REM2: variants seen among roughly 807,000 people sequenced by gnomAD.
REM2 encodes RRAD and GEM like GTPase 2, also known as GTP-binding protein REM 2.
REM2 carries 24 observed loss-of-function variants against 24.4 expected under a neutral mutation model. The observed-to-expected ratio is 0.98, with a 90% CI of 0.71 to 1.38. The LOEUF is 1.38. Among genes scored for constraint, REM2 ranks in the 40% most tolerant of loss-of-function variants. REM2 has a pLI of 0.00. For missense variants in REM2, 429 were observed against 467.8 expected (o/e 0.92, Z 0.77); for synonymous variants, 187 against 198.0 (o/e 0.94, Z 0.47).
At chr14:22,883,538 T>C in intron 1 of REM2, 148 bp downstream of exon 1, 1 of 727,494 alleles carries the variant, frequency 1.4e-6, no homozygotes, top group Non-Finnish European at 2.3e-6. Flanking sequence ...AGACCCCTGC[T>C]CACACAAGGG....
At chr14:22,883,924 CT>C (rs1382848764) in intron 1 of REM2, among the ~76,000 whole-genome samples, 23 of 150,826 alleles carry the variant, frequency 1.5e-4, no homozygotes, top group South Asian at 8.5e-4. Context: ...CACACACACA[CT>C]ATCTCTCTCT....
At position 22,886,497 on chromosome 14, in the gene REM2, T is replaced by C; in HGVS notation, c.728-117T>C. 2 of 972,154 alleles carry C rather than the reference T, an allele frequency of 2.1e-6. No individual in the cohort carries two copies. Among genetic ancestry groups the C allele is most frequent in the Non-Finnish European group, 3.0e-6 (2 of 675,570 alleles). 60.2% of individuals were successfully genotyped at this position (972,154 alleles called of 1,614,324 possible). Reference sequence around the variant, plus strand: ...TATGAGCTCAGCCATGTTCTCTCGGTTGCAAGATTCACTAGTACCAATCCC... The same window carrying C: ...TATGAGCTCAGCCATGTTCTCTCGGCTGCAAGATTCACTAGTACCAATCCC... On this transcript the variant is annotated intron_variant, in intron 4 of 4. Transcript: ENST00000267396. This position sits in a 1 kb window ranked among gnomAD's most constrained non-coding sequence, Gnocchi z 5.9.
At position 22,886,538 on chromosome 14, in the gene REM2, C is replaced by CAGGCCCTCCCT; in HGVS notation, c.728-73_728-63dup. 1.5e-6 allele frequency: 2 copies of CAGGCCCTCCCT among 1,337,052 alleles called. No homozygotes were observed. The highest frequency in any genetic ancestry group is 2.0e-6 in the Non-Finnish European group (2 of 1,006,052). 82.8% of individuals were successfully genotyped at this position (1,337,052 alleles called of 1,614,324 possible). A position where few individuals can be genotyped will look rare whatever the true frequency, so the allele number is the denominator to read the frequency against. On this transcript the variant is annotated intron_variant, in intron 4 of 4. Transcript: ENST00000267396. The surrounding 1 kb of genome is among the most constrained non-coding windows in gnomAD (Gnocchi z 5.9). ...TACCAATCCCTTGCCACCGCACGCC[C>CAGGCCCTCCCT]AGGCCCTCCCTAGACCCACCCTCGC...
In REM2 at chr14:22,886,298, T is replaced by C. The variant is rs1226840147; in HGVS notation, c.727+67T>C. 1 of 1,432,844 alleles carries C rather than the reference T, an allele frequency of 7.0e-7. No homozygotes were observed. The highest frequency in any genetic ancestry group is 9.6e-7 in the Non-Finnish European group (1 of 1,037,724). 88.8% of individuals were successfully genotyped at this position (1,432,844 alleles called of 1,614,324 possible). On this transcript the variant is annotated intron_variant, in intron 4 of 4. Coordinates refer to ENST00000267396, the MANE Select transcript of REM2 (RefSeq NM_173527.3). The surrounding 1 kb of genome is among the most constrained non-coding windows in gnomAD (Gnocchi z 5.9). Reference sequence around the variant, plus strand: ...AATGCTCTCCCTTCCAAGTCACCTCTTCTCCCTAAGGCCTTTTTACCATCG... The same window carrying C: ...AATGCTCTCCCTTCCAAGTCACCTCCTCTCCCTAAGGCCTTTTTACCATCG...
chr14:22,886,639 G>C lies in REM2; in HGVS notation c.753G>C (p.Leu251=). Residue 251 remains leucine (L), a synonymous_variant, in exon 5 of 5, where the codon CTG becomes CTC. Transcript: ENST00000267396. This position sits in a 1 kb window ranked among gnomAD's most constrained non-coding sequence, Gnocchi z 5.9. The part of the protein sequence containing the change: ...LEEGRHLAGT[L]SCKHIETSAA... ...AGGGCCGCCACCTGGCCGGGACGCT[G>C]AGCTGCAAGCACATCGAGACGTCGG... 6.9e-7 allele frequency: 1 copy of C among 1,456,362 alleles called. No individual in the cohort carries two copies. Among genetic ancestry groups the C allele is most frequent in the Non-Finnish European group, 9.1e-7 (1 of 1,103,512 alleles). 90.2% of individuals were successfully genotyped at this position (1,456,362 alleles called of 1,614,324 possible).
In REM2 at chr14:22,884,903, G is replaced by T. The variant is rs751044093; in HGVS notation, c.333G>T (p.Lys111Asn). ...CAGGGGAGGCAGCCCCTGCTCAAAA[G>T]GATGGCATCTTCAAGGTCATGCTAG... The part of the protein sequence containing the change: ...LGSGEAAPAQ[K>N]DGIFKVMLVG... Residue 111 changes from lysine (K) to asparagine (N), a missense_variant, in exon 2 of 5, where the codon AAG (lysine) becomes AAT (asparagine). Transcript: ENST00000267396. 8.7e-6 allele frequency: 14 copies of T among 1,612,798 alleles called. No individual in the cohort carries two copies. The highest frequency in any genetic ancestry group is 1.2e-5 in the Non-Finnish European group (14 of 1,179,004).
Position 22,884,930 on chromosome 14 carries a change from G to T in REM2, c.360G>T (p.Val120=). The change falls in exon 2 of 5, where the codon GTG becomes GTT. Residue 120 remains valine, a synonymous_variant. Coordinates refer to ENST00000267396, the MANE Select transcript of REM2 (RefSeq NM_173527.3). ...ATGGCATCTTCAAGGTCATGCTAGT[G>T]GGGGAGAGCGGCGTGGGCAAGAGCA... ...QKDGIFKVML[V]GESGVGKSTL... is the part of the protein sequence containing the mutation. 20 of 1,604,606 alleles carry T rather than the reference G, an allele frequency of 1.2e-5. No individual in the cohort carries two copies. The highest frequency in any genetic ancestry group is 1.6e-5 in the Non-Finnish European group (19 of 1,173,190).
intron 3 of REM2, 26 bp downstream of exon 3, chr14:22,885,365 C>G (rs979226372): frequency 5.7e-6 from 9 of 1,578,526 alleles, no homozygotes; most frequent in Non-Finnish European, 7.8e-6. Flanking sequence ...TGGCTGCAGG[C>G]AGGTGATGAA....
rs189717936 is a variant in REM2 at position 22,884,511 on chromosome 14, G to A, written c.104-163G>A. On this transcript the variant is annotated intron_variant, in intron 1 of 4. Transcript: ENST00000267396. ...AGTTCAGGCTTCTGGAGACTTTAGT[G>A]TAAGAGGTCAGGCCAGACATTCTCA... is the stretch of plus-strand genomic sequence containing the variant. 4.4e-5 allele frequency: 43 copies of A among 985,458 alleles called. No homozygotes were observed. The Admixed American group carries it at 1.8e-3, about 42-fold the overall frequency. 61.0% of individuals were successfully genotyped at this position (985,458 alleles called of 1,614,324 possible). A position where few individuals can be genotyped will look rare whatever the true frequency, so the allele number is the denominator to read the frequency against.
chr14:22,886,027 G>C lies in REM2; in HGVS notation c.523G>C (p.Asp175His). The C allele has an allele frequency of 6.2e-7, 1 of 1,613,486 alleles. No homozygotes were observed. Among genetic ancestry groups the C allele is most frequent in the Non-Finnish European group, 8.5e-7 (1 of 1,179,440 alleles). ...LVVYDIWEQGDAGGWLRDHCL... is the reference protein window; with the variant it reads ...LVVYDIWEQGHAGGWLRDHCL... ...ACGTTCCTCTGCCTGTCTGCAGGGG[G>C]ATGCAGGAGGGTGGCTGCGGGACCA... Residue 175 changes from aspartate to histidine, a missense_variant, in exon 4 of 5, where the codon GAT (aspartate) becomes CAT (histidine). By Grantham distance (81) the Asp-to-His change is moderately conservative. Transcript: ENST00000267396. This position sits in a 1 kb window ranked among gnomAD's most constrained non-coding sequence, Gnocchi z 5.9.
At position 22,885,004 on chromosome 14, in the gene REM2, C is replaced by G. The variant is rs186131311; in HGVS notation, c.434C>G (p.Pro145Arg). The G allele has an allele frequency of 2.6e-6, 4 of 1,533,410 alleles. No individual in the cohort carries two copies. In the South Asian group the frequency reaches 3.9e-5, roughly 15 times the overall value. The allele number at this position is 1,533,410 out of a possible 1,614,324, so 95.0% of individuals were successfully genotyped here. The part of the protein sequence containing the change: ...GGLQGDSAHE[P>R]ENPEDTYERR... ...CTCCAGGGAGACAGTGCTCACGAAC[C>G]GGAGAACCCAGGTATTTGGGGAAGC... Residue 145 changes from proline to arginine, a missense_variant, in exon 2 of 5, where the codon CCG (proline) becomes CGG (arginine). Transcript: ENST00000267396.
At position 22,887,101 on chromosome 14, in the gene REM2, C is replaced by A. The variant is rs375873480; in HGVS notation, c.*192C>A. 26 of 440,836 alleles carry A rather than the reference C, an allele frequency of 5.9e-5. No individual in the cohort carries two copies. The highest frequency in any genetic ancestry group is 1.0e-4 in the Non-Finnish European group (26 of 254,484). 27.3% of individuals were successfully genotyped at this position (440,836 alleles called of 1,614,324 possible). On this transcript the variant is annotated 3_prime_UTR_variant, in exon 5 of 5. Coordinates refer to ENST00000267396, the MANE Select transcript of REM2 (RefSeq NM_173527.3). ...GGCGGCACCTCCACACCCGCCCCAA[C>A]GCGTTCTCTGGAGCTTTGGGCCTCA... is the stretch of plus-strand genomic sequence containing the variant.
chr14:22,884,235 C>T (rs2040098464), intron 1 of REM2: 1 of 985,326 alleles, frequency 1.0e-6, no homozygotes, highest in African/African-American at 1.7e-5. Flanking sequence ...CCTCTCTGCT[C>T]CTCAGTTTGG....
intron 3 of REM2, 103 bp from the exon 4 acceptor site, chr14:22,885,921 T>TGA: frequency 1.1e-6 from 1 of 872,436 alleles, no homozygotes. Flanking sequence ...CCTAAGCAGG[T>TGA]GGCTTCTTTC....
chr14:22,884,671 T>G lies in REM2; in HGVS notation c.104-3T>G, dbSNP rs867235165. On this transcript the variant is annotated splice_region_variant and splice_polypyrimidine_tract_variant and intron_variant, in intron 1 of 4. Transcript: ENST00000267396. ...TTTTCTTTGCCCTCCCATTTTATTTTAGAAGCAGATGCCACGCTACTAAAG... is the reference window on the plus strand; with the variant it reads ...TTTTCTTTGCCCTCCCATTTTATTTGAGAAGCAGATGCCACGCTACTAAAG... The G allele has an allele frequency of 6.3e-7, 1 of 1,590,814 alleles. No homozygotes were observed. Among genetic ancestry groups the G allele is most frequent in the Middle Eastern group, 1.7e-4 (1 of 5,932 alleles).
Position 22,884,903 on chromosome 14 carries a change from G to A in REM2, c.333G>A (p.Lys111=), listed in dbSNP as rs751044093. 1.9e-6 allele frequency: 3 copies of A among 1,612,680 alleles called. No individual in the cohort carries two copies. The highest frequency in any genetic ancestry group is 4.5e-5 in the East Asian group (2 of 44,860). The change falls in exon 2 of 5, where the codon AAG becomes AAA. Residue 111 remains lysine (K), a synonymous_variant. Coordinates refer to ENST00000267396, the MANE Select transcript of REM2 (RefSeq NM_173527.3). ...LGSGEAAPAQ[K]DGIFKVMLVG... ...CAGGGGAGGCAGCCCCTGCTCAAAA[G>A]GATGGCATCTTCAAGGTCATGCTAG...
At chr14:22,885,833 G>A (rs1428088355) in intron 3 of REM2, among the ~76,000 whole-genome samples, 191 bp from the exon 4 acceptor site, 1 of 152,208 alleles carries the variant, frequency 6.6e-6, no homozygotes, top group East Asian at 1.9e-4. Flanking sequence ...CCTAGTCTAG[G>A]ATCCTCATAT....
intron 1 of REM2, chr14:22,884,138 C>G: frequency 1.0e-6 from 1 of 985,330 alleles, no homozygotes; most frequent in Non-Finnish European, 1.2e-6. Context: ...AAAGCAAAGG[C>G]CCTTTCCTAG....
At position 22,886,923 on chromosome 14, in the gene REM2, T is replaced by G. The variant is rs949551074; in HGVS notation, c.*14T>G. The G allele has an allele frequency of 2.1e-6, 3 of 1,418,660 alleles. No homozygotes were observed. Among genetic ancestry groups the G allele is most frequent in the Non-Finnish European group, 2.8e-6 (3 of 1,080,412 alleles). The allele number at this position is 1,418,660 out of a possible 1,614,324, so 87.9% of individuals were successfully genotyped here. A position where few individuals can be genotyped will look rare whatever the true frequency, so the allele number is the denominator to read the frequency against. The stretch of plus-strand genomic sequence containing the variant: ...TCGGTGCTCTGAGCCGCGGTCGCCA[T>G]GGCCACTGCGGTCGCCATGGTCACC... On this transcript the variant is annotated 3_prime_UTR_variant, in exon 5 of 5. Transcript: ENST00000267396. The surrounding 1 kb of genome is among the most constrained non-coding windows in gnomAD (Gnocchi z 5.9).
Sources: gnomAD v4.1 joint callset for allele counts (sites outside exome capture counted in the v4.1 genomes callset) on GRCh38, gnomAD v4.1.1 for gene constraint, Gnocchi (gnomAD v3.1) non-coding constraint, MANE v1.5 for transcripts, NCBI Gene and HGNC (gene_info 2026-07-23, HGNC 2026-07-21) for gene names.